Variants in TMEM19 observed in about 807,000 individuals in gnomAD.
The protein encoded by TMEM19 is transmembrane protein 19.
TMEM19 carries 21 observed loss-of-function variants against 33.6 expected under a neutral mutation model. The ratio of observed to expected loss-of-function variants is 0.62; its 90% CI spans 0.44 to 0.90. TMEM19 has a LOEUF of 0.90. TMEM19 is among the 40% of genes least tolerant of loss of function. The pLI is 0.00. For synonymous variants in TMEM19, 149 were observed against 147.5 expected (o/e 1.01, Z -0.07); for missense variants, 402 against 401.8 (o/e 1.00, Z 0.00).
chr12:71,691,538 G>A (rs1881784678), intron 2 of TMEM19, among the ~76,000 whole-genome samples: 1 of 135,778 alleles, frequency 7.4e-6, no homozygotes, highest in South Asian at 2.4e-4. Flanking sequence ...GGAAGCCAAG[G>A]CAGAAGGATC....
rs1440416471 is a variant in TMEM19, at chr12:71,701,674, CT to C, written c.*681del. 1.3e-5 allele frequency: 2 copies of C among 152,136 alleles called. No individual in the cohort carries two copies. The highest frequency in any genetic ancestry group is 3.8e-4 in the East Asian group (2 of 5,206). 9.4% of individuals were successfully genotyped at this position (152,136 alleles called of 1,614,324 possible). A position where few individuals can be genotyped will look rare whatever the true frequency, so the allele number is the denominator to read the frequency against. On this transcript the variant is annotated 3_prime_UTR_variant, in exon 6 of 6. Coordinates refer to ENST00000266673, the MANE Select transcript of TMEM19 (RefSeq NM_018279.4). ...TTAACTAAAAGCAAAAGAATTTTAT[CT>C]TATATCTAAAAAATATATAACTTAC... is the stretch of plus-strand genomic sequence containing the variant.
intron 3 of TMEM19, 62 bp downstream of exon 3, chr12:71,696,635 TTTTTTG>T: frequency 4.9e-6 from 7 of 1,440,874 alleles, no homozygotes; most frequent in Non-Finnish European, 6.5e-6. Flanking sequence ...CATAAGGTTT[TTTTTTG>T]TTTTTGTTTT....
intron 1 of TMEM19, among the ~76,000 whole-genome samples, chr12:71,687,435 T>TAA (rs1881712340): frequency 6.6e-6 from 1 of 151,940 alleles, no homozygotes; most frequent in African/African-American, 2.4e-5. Context: ...AAAAAAGCTG[T>TAA]AATCCCAGCT....
Position 71,686,486 on chromosome 12 carries a change from T to C in TMEM19, c.-195T>C, listed in dbSNP as rs367634897. On this transcript the variant is annotated 5_prime_UTR_variant, in exon 1 of 6. Transcript: ENST00000266673. ...TGCGGTGAGGCGTTGACCACGCCCA[T>C]ATGAATTGGAGCTCTCCGCCAGTAG... 3.3e-5 allele frequency: 17 copies of C among 520,314 alleles called. No individual in the cohort carries two copies. Among genetic ancestry groups the C allele is most frequent in the Non-Finnish European group, 5.2e-5 (16 of 308,836 alleles). The allele number at this position is 520,314 out of a possible 1,614,324, so 32.2% of individuals were successfully genotyped here.
At chr12:71,692,287 A>G (rs1214296165) in intron 2 of TMEM19, among the ~76,000 whole-genome samples, 1 of 152,086 alleles carries the variant, frequency 6.6e-6, no homozygotes, top group African/African-American at 2.4e-5. Flanking sequence ...CCTCTCTCCT[A>G]CCTCATTATA....
In TMEM19 at chr12:71,701,124, G is replaced by T; in HGVS notation, c.*129G>T. ...AGTTCCTCCTGTATTCCATTGAGATGGGATTTCACATTTTCCTCTCATCAA... is the reference window on the plus strand; with the variant it reads ...AGTTCCTCCTGTATTCCATTGAGATTGGATTTCACATTTTCCTCTCATCAA... On this transcript the variant is annotated 3_prime_UTR_variant, in exon 6 of 6. Transcript: ENST00000266673. 2 of 951,406 alleles carry T rather than the reference G, an allele frequency of 2.1e-6. No homozygotes were observed. Among genetic ancestry groups the T allele is most frequent in the South Asian group, 2.3e-5 (1 of 43,802 alleles). 58.9% of individuals were successfully genotyped at this position (951,406 alleles called of 1,614,324 possible).
intron 1 of TMEM19, among the ~76,000 whole-genome samples, chr12:71,688,215 G>A (rs1881725781): frequency 6.6e-6 from 1 of 152,062 alleles, no homozygotes; most frequent in Non-Finnish European, 1.5e-5. Flanking sequence ...TTTGTTGAAT[G>A]CTTGGGCCCT....
intron 5 of TMEM19, chr12:71,699,789 G>A: frequency 6.5e-6 from 1 of 153,126 alleles, no homozygotes; most frequent in Non-Finnish European, 1.5e-5. Flanking sequence ...GGCGGAGATT[G>A]CAGTGAGCCG....
chr12:71,703,174 C>A lies in TMEM19; in HGVS notation c.*2179C>A, dbSNP rs1258227541. 2 of 89,764 alleles carry A rather than the reference C, an allele frequency of 2.2e-5. No homozygotes were observed. The highest frequency in any genetic ancestry group is 1.8e-4 in the Admixed American group (1 of 5,548). 5.6% of individuals were successfully genotyped at this position (89,764 alleles called of 1,614,324 possible). A position where few individuals can be genotyped will look rare whatever the true frequency, so the allele number is the denominator to read the frequency against. ...CCTGGGCAACAGAGGGAGACTCCAT[C>A]TAGACTCCATCTCAAAAAAAAAAAA... On this transcript the variant is annotated 3_prime_UTR_variant, in exon 6 of 6. Transcript: ENST00000266673.
intron 3 of TMEM19, 113 bp downstream of exon 3, chr12:71,696,686 G>A (rs1300578962): frequency 3.1e-5 from 31 of 997,934 alleles, no homozygotes; most frequent in Non-Finnish European, 3.8e-5. Context: ...TTGCTCTGTT[G>A]CCCAGGCTGG....
rs1433927568 is a variant in TMEM19 at position 71,691,406 on chromosome 12, A to T, written c.244+1702A>T. 2.6e-5 allele frequency among the ~76,000 whole-genome samples: 4 copies of T among 152,218 alleles called. No homozygotes were observed. The East Asian group carries it at 7.7e-4, about 29-fold the overall frequency. On this transcript the variant is annotated intron_variant, in intron 2 of 5. Coordinates refer to ENST00000266673, the MANE Select transcript of TMEM19 (RefSeq NM_018279.4). ...GCTGTTAGCACTTTGGTAGTATTAA[A>T]TCATTTATAACATAATTTGAACAAT...
intron 2 of TMEM19, 140 bp from the exon 3 acceptor site, chr12:71,696,296 A>G (rs1881869299): frequency 1.4e-6 from 1 of 699,940 alleles, no homozygotes; most frequent in Admixed American, 3.5e-5. Context: ...GCTTGCTAAG[A>G]ATTTAATTGG....
In TMEM19 at chr12:71,703,116, G is replaced by T. The variant is rs550109527; in HGVS notation, c.*2121G>T. 1.4e-5 allele frequency: 2 copies of T among 139,568 alleles called. No homozygotes were observed. Among genetic ancestry groups the T allele is most frequent in the South Asian group, 2.3e-4 (1 of 4,320 alleles). The allele number at this position is 139,568 out of a possible 1,614,324, so 8.6% of individuals were successfully genotyped here. A position where few individuals can be genotyped will look rare whatever the true frequency, so the allele number is the denominator to read the frequency against. ...CGCTGGAACCTGGGATGTGGAGGTTGCAGTGAGCCAAGATTGCACCACTGT... is the reference window on the plus strand; with the variant it reads ...CGCTGGAACCTGGGATGTGGAGGTTTCAGTGAGCCAAGATTGCACCACTGT... On this transcript the variant is annotated 3_prime_UTR_variant, in exon 6 of 6. Coordinates refer to ENST00000266673, the MANE Select transcript of TMEM19 (RefSeq NM_018279.4).
rs781174479 is a variant in TMEM19 at position 71,697,320 on chromosome 12, T to C, written c.423T>C (p.Ala141=). 1.2e-6 allele frequency: 2 copies of C among 1,608,338 alleles called. No individual in the cohort carries two copies. The highest frequency in any genetic ancestry group is 1.3e-5 in the African/African-American group (1 of 74,484). ...RNWVQVFCNG[A]VPTELALLYM... ...GGGTTCAGGTGTTCTGTAATGGAGC[T>C]GTACCCACAGAACTGGCCCTGCTGT... The change falls in exon 4 of 6, where the codon GCT becomes GCC. Residue 141 remains alanine (A), a synonymous_variant. Transcript: ENST00000266673.
intron 4 of TMEM19, among the ~76,000 whole-genome samples, chr12:71,697,806 A>C (rs1426449770): frequency 1.3e-5 from 2 of 152,202 alleles, no homozygotes; most frequent in African/African-American, 4.8e-5. Flanking sequence ...GGGAAGGAAA[A>C]GAGAGGGAAC....
At chr12:71,693,216 A>G (rs557632175) in intron 2 of TMEM19, among the ~76,000 whole-genome samples, 71 of 151,510 alleles carry the variant, frequency 4.7e-4, no homozygotes, top group African/African-American at 1.7e-3. Context: ...TTTTTTTTAG[A>G]GGCAGGGTCT....
intron 2 of TMEM19, among the ~76,000 whole-genome samples, chr12:71,692,534 TG>T (rs1881802174): frequency 1.3e-5 from 2 of 152,242 alleles, no homozygotes. Flanking sequence ...GTCATTTATT[TG>T]CTGCCAGCCC....
intron 3 of TMEM19, among the ~76,000 whole-genome samples, chr12:71,697,066 C>T (rs927448273): frequency 6.6e-6 from 1 of 152,150 alleles, no homozygotes; most frequent in Admixed American, 6.5e-5. Context: ...GAAATGACAG[C>T]AGAATTTTAG....
intron 1 of TMEM19, 79 bp from the exon 2 acceptor site, chr12:71,689,512 A>T (rs879063120): frequency 8.0e-6 from 8 of 995,662 alleles, no homozygotes; most frequent in South Asian, 7.7e-5. Context: ...TTAGTCTAAA[A>T]GCAGTAACGG....
Sources: allele counts gnomAD v4.1 joint callset (sites outside exome capture counted in the v4.1 genomes callset), GRCh38; gene constraint gnomAD v4.1.1; transcripts MANE v1.5; gene names NCBI Gene and HGNC (gene_info 2026-07-23, HGNC 2026-07-21).